Variants in TANC2 observed in about 807,000 individuals in gnomAD.
The protein encoded by TANC2 is protein TANC2.
A neutral mutation model predicts 210.5 loss-of-function variants in TANC2; 26 were observed. The ratio of observed to expected loss-of-function variants is 0.12; its 90% CI spans 0.09 to 0.17. The LOEUF is 0.17. Ranked by LOEUF, TANC2 falls within the 10% of genes least tolerant of loss-of-function variation. TANC2 has a pLI of 1.00. For synonymous variants in TANC2, 931 were observed against 967.1 expected, an observed-to-expected ratio of 0.96 and a Z score of 0.69; for missense variants, 2,129 against 2,608.9, an observed-to-expected ratio of 0.82 and a Z score of 4.01.
chr17:63,370,020 A>G (rs1401773674), intron 14 of TANC2, among the ~76,000 whole-genome samples: 1 of 152,110 alleles, frequency 6.6e-6, no homozygotes, highest in Non-Finnish European at 1.5e-5. Context: ...TTCTCATTTA[A>G]TAGGTCTTAG....
rs552929015 is a variant in TANC2 at position 63,399,878 on chromosome 17, C to CTCAGGAATT, written c.3331+966_3331+974dup. ...TAACATCATGTGGAATGGTCCAAAA[C>CTCAGGAATT]TCAGGAATTTGCTTCTCGAATAATC... On this transcript the variant is annotated intron_variant, in intron 19 of 27. Coordinates refer to ENST00000689528, the Ensembl canonical transcript of TANC2. Among the ~76,000 whole-genome samples, 285 of 152,328 alleles carry CTCAGGAATT rather than the reference C, an allele frequency of 1.9e-3. 1 individual carries two copies. The highest frequency in any genetic ancestry group is 6.6e-3 in the African/African-American group (274 of 41,562).
intron 4 of TANC2, among the ~76,000 whole-genome samples, chr17:63,115,226 G>T (rs1490051024): frequency 6.6e-6 from 1 of 152,182 alleles, no homozygotes; most frequent in East Asian, 1.9e-4. Flanking sequence ...GATTATCCAG[G>T]AAACAGAATG....
intron 9 of TANC2, among the ~76,000 whole-genome samples, chr17:63,294,787 T>A (rs1022420792): frequency 1.3e-5 from 2 of 152,214 alleles, no homozygotes; most frequent in Non-Finnish European, 2.9e-5. Flanking sequence ...TGGAGTGGTC[T>A]TCCTGCTCTG....
chr17:63,050,617 C>T (rs550798077), intron 2 of TANC2, among the ~76,000 whole-genome samples: 1 of 152,182 alleles, frequency 6.6e-6, no homozygotes, highest in African/African-American at 2.4e-5. Context: ...CAGAAGGAGC[C>T]CTAGAGACAG....
At chr17:63,143,733 A>G (rs922545284) in intron 4 of TANC2, among the ~76,000 whole-genome samples, 2 of 152,132 alleles carry the variant, frequency 1.3e-5, no homozygotes, top group South Asian at 2.1e-4. Flanking sequence ...TGAATTATTT[A>G]TAGATTTTAA....
intron 17 of TANC2, among the ~76,000 whole-genome samples, chr17:63,394,050 G>A (rs1201967557): frequency 6.6e-6 from 1 of 152,146 alleles, no homozygotes; most frequent in Non-Finnish European, 1.5e-5. Flanking sequence ...GGGATTACAG[G>A]CATGAGCCAC....
chr17:63,262,191 A>G (rs2043379936), intron 8 of TANC2, among the ~76,000 whole-genome samples: 1 of 151,888 alleles, frequency 6.6e-6, no homozygotes, highest in Non-Finnish European at 1.5e-5. Flanking sequence ...ACTGAGATTG[A>G]TTTTTTTTCT....
intron 2 of TANC2, among the ~76,000 whole-genome samples, chr17:63,035,268 A>G (rs2034925771): frequency 6.6e-6 from 1 of 152,246 alleles, no homozygotes; most frequent in Admixed American, 6.5e-5. Context: ...ATGAAGTTAT[A>G]TACATTTCTT....
chr17:63,389,764 A>G, intron 17 of TANC2: 11 of 559,592 alleles, frequency 2.0e-5, no homozygotes, highest in South Asian at 1.9e-4. Flanking sequence ...TGCTTGGGAA[A>G]CTGCATTTAT....
chr17:63,098,420 G>A (rs2037469303), intron 3 of TANC2, among the ~76,000 whole-genome samples: 1 of 141,386 alleles, frequency 7.1e-6, no homozygotes, highest in Non-Finnish European at 1.5e-5. Flanking sequence ...ACCCCTTGGT[G>A]GGCCTTAGAC....
intron 3 of TANC2, among the ~76,000 whole-genome samples, chr17:63,084,424 T>A (rs1374737907): frequency 6.6e-6 from 1 of 151,730 alleles, no homozygotes; most frequent in Non-Finnish European, 1.5e-5. Flanking sequence ...ATCTTTTCAA[T>A]TTTTTTTCTT....
At chr17:63,313,144 T>C (rs2045187028) in intron 9 of TANC2, among the ~76,000 whole-genome samples, 1 of 152,242 alleles carries the variant, frequency 6.6e-6, no homozygotes, top group African/African-American at 2.4e-5. Flanking sequence ...CTTTCTCCTC[T>C]TTCCATCTCT....
At chr17:63,296,546 A>C (rs956100404) in intron 9 of TANC2, among the ~76,000 whole-genome samples, 2 of 152,206 alleles carry the variant, frequency 1.3e-5, no homozygotes, top group African/African-American at 4.8e-5. Context: ...TGGCCTATTC[A>C]CTGGAAAAAA....
intron 9 of TANC2, among the ~76,000 whole-genome samples, chr17:63,278,521 T>C (rs1447701126): frequency 6.6e-6 from 1 of 151,734 alleles, no homozygotes; most frequent in East Asian, 1.9e-4. Context: ...CCCCATACAC[T>C]GTTGGTGGGA....
chr17:63,190,061 A>G (rs2041131770), intron 5 of TANC2, among the ~76,000 whole-genome samples: 1 of 152,174 alleles, frequency 6.6e-6, no homozygotes, highest in South Asian at 2.1e-4. Context: ...CAAGGCAGGA[A>G]TGGTGACTCA....
chr17:63,406,246 T>A (rs1396013752), exon 21 of TANC2: 2 of 1,613,930 alleles, frequency 1.2e-6, no homozygotes, highest in Admixed American at 1.7e-5. Context: ...CCGAAGGCCA[T>A]CTAGGAACCG....
intron 6 of TANC2, among the ~76,000 whole-genome samples, chr17:63,194,453 G>A (rs1216404785): frequency 1.3e-5 from 2 of 152,104 alleles, no homozygotes; most frequent in African/African-American, 2.4e-5. Flanking sequence ...ATTATTTACC[G>A]AATTGGTTAT....
chr17:63,200,967 T>G lies in TANC2; in HGVS notation c.769+10T>G, dbSNP rs1331965858. On this transcript the variant is annotated intron_variant, in intron 7 of 27. Transcript: ENST00000689528. ...GATAGTGGCATCATTGGTGAGTTGG[T>G]TTTTATATTGATAATTTTGTGTCCT... The G allele has an allele frequency of 6.3e-7, 1 of 1,591,022 alleles. No individual in the cohort carries two copies. Among genetic ancestry groups the G allele is most frequent in the Non-Finnish European group, 8.5e-7 (1 of 1,170,376 alleles).
intron 4 of TANC2, among the ~76,000 whole-genome samples, chr17:63,121,458 T>C (rs1038516744): frequency 1.3e-5 from 2 of 152,150 alleles, no homozygotes; most frequent in East Asian, 1.9e-4. Flanking sequence ...TTGGCCTACA[T>C]CAGTGATTTT....
Sources: allele counts gnomAD v4.1 joint callset (sites outside exome capture counted in the v4.1 genomes callset), GRCh38; gene constraint gnomAD v4.1.1; transcripts MANE v1.5; gene names NCBI Gene and HGNC (gene_info 2026-07-23, HGNC 2026-07-21).